Variants in ETV6 observed in about 807,000 individuals in gnomAD.
ETV6 encodes the protein ETS variant transcription factor 6.
In ETV6, 16 loss-of-function variants were observed where a neutral mutation model predicts 51.1. The observed-to-expected ratio is 0.31, with a 90% CI of 0.21 to 0.48. The LOEUF (loss-of-function observed/expected upper bound fraction) is 0.48, where lower values mean the gene tolerates loss of function less well. Ranked by LOEUF, ETV6 falls within the 20% of genes least tolerant of loss-of-function variation. ETV6 has a pLI of 0.99. For synonymous variants in ETV6, 240 were observed against 224.1 expected (o/e 1.07, Z -0.64); for missense variants, 458 against 594.8 (o/e 0.77, Z 2.39).
At chr12:11,704,318 G>A (rs759981634) in intron 1 of ETV6, among the ~76,000 whole-genome samples, 4 of 152,098 alleles carry the variant, frequency 2.6e-5, no homozygotes, top group African/African-American at 7.2e-5. Flanking sequence ...AGGGGATAGC[G>A]GAAGAAGGGG....
chr12:11,763,236 T>C (rs1945116878), intron 2 of ETV6, among the ~76,000 whole-genome samples: 1 of 152,202 alleles, frequency 6.6e-6, no homozygotes, highest in African/African-American at 2.4e-5. Flanking sequence ...CCTCACAAAG[T>C]CCCCTCTCTG....
At chr12:11,651,442 C>T (rs1019428794) in intron 1 of ETV6, among the ~76,000 whole-genome samples, 2 of 152,124 alleles carry the variant, frequency 1.3e-5, no homozygotes, top group African/African-American at 2.4e-5. Context: ...AAAAGATATT[C>T]ATGGGTTTGA....
intron 2 of ETV6, among the ~76,000 whole-genome samples, chr12:11,766,050 G>A (rs1016298344): frequency 1.3e-5 from 2 of 152,110 alleles, no homozygotes; most frequent in Admixed American, 6.6e-5. Context: ...GCAAGGGCAC[G>A]GGAGAATGAA....
At chr12:11,662,752 A>G (rs1455595265) in intron 1 of ETV6, among the ~76,000 whole-genome samples, 2 of 152,206 alleles carry the variant, frequency 1.3e-5, no homozygotes, top group African/African-American at 2.4e-5. Context: ...CTTTATGCAC[A>G]TATTTCTGCC....
At chr12:11,871,900 A>C (rs1261270618) in intron 5 of ETV6, among the ~76,000 whole-genome samples, 1 of 152,240 alleles carries the variant, frequency 6.6e-6, no homozygotes, top group Non-Finnish European at 1.5e-5. Flanking sequence ...TAGATAAAGA[A>C]GCAAAGAGCT....
intron 2 of ETV6, among the ~76,000 whole-genome samples, chr12:11,755,148 G>A (rs1369182710): frequency 2.0e-5 from 3 of 152,204 alleles, no homozygotes; most frequent in African/African-American, 2.4e-5. Flanking sequence ...TGGTGTGGCC[G>A]TAGCATTGGT....
intron 2 of ETV6, among the ~76,000 whole-genome samples, chr12:11,830,199 G>A (rs1591705091): frequency 1.3e-5 from 2 of 151,632 alleles, no homozygotes; most frequent in African/African-American, 2.4e-5. Context: ...TGTGGGCACC[G>A]AGCAGTATTC....
In ETV6 at chr12:11,801,268, T is replaced by A. The variant is rs561020924; in HGVS notation, c.164-37872T>A. On this transcript the variant is annotated intron_variant, in intron 2 of 7. Coordinates refer to ENST00000396373, the MANE Select transcript of ETV6 (RefSeq NM_001987.5). Reference sequence around the variant, plus strand: ...TTTAAAAGAACGAGGCAAACTTTTTTAAAGAAAGTTATCTAATTTAATGCA... The same window carrying A: ...TTTAAAAGAACGAGGCAAACTTTTTAAAAGAAAGTTATCTAATTTAATGCA... Among the ~76,000 whole-genome samples, 9 of 152,356 alleles carry A rather than the reference T, an allele frequency of 5.9e-5. No individual in the cohort carries two copies. In the East Asian group the frequency reaches 1.7e-3, roughly 29 times the overall value.
intron 2 of ETV6, among the ~76,000 whole-genome samples, chr12:11,832,441 T>A (rs1435090445): frequency 1.3e-5 from 2 of 152,202 alleles, no homozygotes; most frequent in African/African-American, 4.8e-5. Context: ...GATAAGCCAC[T>A]GGCAGTGATC....
At chr12:11,799,444 T>C (rs1945717489) in intron 2 of ETV6, among the ~76,000 whole-genome samples, 1 of 152,224 alleles carries the variant, frequency 6.6e-6, no homozygotes, top group Non-Finnish European at 1.5e-5. Context: ...GATTAGCTTC[T>C]AGAATCCAGG....
At chr12:11,658,198 A>G (rs995949001) in intron 1 of ETV6, among the ~76,000 whole-genome samples, 21 of 152,178 alleles carry the variant, frequency 1.4e-4, no homozygotes, top group African/African-American at 5.1e-4. Context: ...CTGTGCCCAC[A>G]TTATACAGTT....
chr12:11,881,378 T>C (rs1193632449), intron 5 of ETV6, among the ~76,000 whole-genome samples: 1 of 148,878 alleles, frequency 6.7e-6, no homozygotes, highest in Non-Finnish European at 1.5e-5. Flanking sequence ...CACAGCTGAG[T>C]TCTGGCCTTA....
At chr12:11,816,865 G>T (rs1192774425) in intron 2 of ETV6, among the ~76,000 whole-genome samples, 1 of 152,202 alleles carries the variant, frequency 6.6e-6, no homozygotes, top group Non-Finnish European at 1.5e-5. Context: ...ATAGCAAATG[G>T]AAACTTTGAC....
chr12:11,875,800 C>T (rs1376839213), intron 5 of ETV6, among the ~76,000 whole-genome samples: 1 of 152,048 alleles, frequency 6.6e-6, no homozygotes, highest in Admixed American at 6.6e-5. Context: ...AGCCACCATG[C>T]GTTTTTTTTA....
At position 11,891,668 on chromosome 12, in the gene ETV6, G is replaced by T; in HGVS notation, c.*622G>T. 9 of 509,058 alleles carry T rather than the reference G, an allele frequency of 1.8e-5. No individual in the cohort carries two copies. Among genetic ancestry groups the T allele is most frequent in the Non-Finnish European group, 2.6e-5 (7 of 265,376 alleles). 31.5% of individuals were successfully genotyped at this position (509,058 alleles called of 1,614,324 possible). ...GCTCTCTTTTTCTCTCTCTTGCTCT[G>T]TTCTTCCCTTGGTCCCCTCTGTCCT... On this transcript the variant is annotated 3_prime_UTR_variant, in exon 8 of 8. Coordinates refer to ENST00000396373, the MANE Select transcript of ETV6 (RefSeq NM_001987.5).
chr12:11,742,100 T>C (rs1283161332), intron 1 of ETV6, among the ~76,000 whole-genome samples: 4 of 152,242 alleles, frequency 2.6e-5, no homozygotes, highest in Admixed American at 1.3e-4. Context: ...AGGCACAGAA[T>C]CTTATGTAAA....
At chr12:11,815,202 T>TA (rs1158281813) in intron 2 of ETV6, among the ~76,000 whole-genome samples, 1 of 151,890 alleles carries the variant, frequency 6.6e-6, no homozygotes, top group African/African-American at 2.4e-5. Context: ...TGGGCATGAT[T>TA]AAAAAAAAGA....
chr12:11,704,870 A>G (rs1275718408), intron 1 of ETV6, among the ~76,000 whole-genome samples: 1 of 152,204 alleles, frequency 6.6e-6, no homozygotes, highest in African/African-American at 2.4e-5. Flanking sequence ...AGCCTTAAAA[A>G]AGGAGATCTT....
intron 2 of ETV6, among the ~76,000 whole-genome samples, chr12:11,803,411 TC>T (rs1945780918): frequency 6.6e-6 from 1 of 152,192 alleles, no homozygotes; most frequent in Non-Finnish European, 1.5e-5. Context: ...GTTGAATGAA[TC>T]CTAAAAGTCA....
Sources: gnomAD v4.1 joint callset for allele counts (sites outside exome capture counted in the v4.1 genomes callset) on GRCh38, gnomAD v4.1.1 for gene constraint, MANE v1.5 for transcripts, NCBI Gene and HGNC (gene_info 2026-07-23, HGNC 2026-07-21) for gene names.